Variants in CENPI observed in about 807,000 individuals in gnomAD.
CENPI encodes FSH primary response 1.
CENPI carries 4 observed loss-of-function variants against 60.4 expected under a neutral mutation model. That is an observed-to-expected ratio of 0.07 (90% CI 0.03 to 0.15). The LOEUF is 0.15. Among genes scored for constraint, CENPI ranks in the 10% least tolerant of loss-of-function variants. The pLI is 1.00. For missense variants in CENPI, 444 were observed against 534.5 expected (o/e 0.83, Z 1.67); for synonymous variants, 157 against 189.4 (o/e 0.83, Z 1.40).
chrX:101,129,541 CTT>C (rs2089773355), intron 12 of CENPI, among the ~76,000 whole-genome samples: 3 of 111,559 alleles, frequency 2.7e-5, no homozygotes, highest in Non-Finnish European at 5.6e-5. Context: ...AATTCTTCTT[CTT>C]CTTCTCTGAA....
the CENPI span, among the ~76,000 whole-genome samples, chrX:101,176,077 T>G: frequency 8.9e-6 from 1 of 112,150 alleles, no homozygotes; most frequent in African/African-American, 3.2e-5. Context: ...TCACTTAACA[T>G]AATGACCTCC....
At chrX:101,178,811 A>G in the CENPI span, among the ~76,000 whole-genome samples, 27 of 112,078 alleles carry the variant, frequency 2.4e-4, no homozygotes, top group African/African-American at 8.7e-4. Flanking sequence ...CCTAAATTTC[A>G]GAATTTCTTT....
intron 18 of CENPI, 82 bp from the exon 19 acceptor site, chrX:101,147,681 G>GT (rs1049757991): frequency 1.1e-4 from 82 of 747,780 alleles, no homozygotes; most frequent in East Asian, 2.9e-4. Context: ...TAAAATGTAT[G>GT]TTTTTTTTAA....
chrX:101,127,295 A>G (rs757748872), intron 10 of CENPI, 29 bp downstream of exon 10: 49 of 1,131,647 alleles, frequency 4.3e-5, no homozygotes, highest in Non-Finnish European at 5.7e-5. Flanking sequence ...AACAACTTGC[A>G]TGGCTTTCTT....
chrX:101,099,352 C>T (rs113044276), intron 2 of CENPI, among the ~76,000 whole-genome samples: 1,633 of 107,591 alleles, frequency 0.015, 43 homozygotes, highest in African/African-American at 0.053. Flanking sequence ...TGCTTGAACC[C>T]GGGAGGCGGA....
chrX:101,139,040 C>T (rs1402176810), intron 15 of CENPI, among the ~76,000 whole-genome samples: 1 of 99,922 alleles, frequency 1.0e-5, no homozygotes, highest in Non-Finnish European at 2.0e-5. Context: ...CCACCCGCCT[C>T]GGCCTCCCAA....
At chrX:101,169,638 A>G (rs1391194789), downstream of CENPI, among the ~76,000 whole-genome samples, 2 of 112,089 alleles carry the variant, frequency 1.8e-5, no homozygotes, top group Non-Finnish European at 3.8e-5. Flanking sequence ...CTTACTTTTA[A>G]AAAGTTTACT....
chrX:101,137,310 G>A (rs1036315132), intron 15 of CENPI, among the ~76,000 whole-genome samples: 3 of 111,955 alleles, frequency 2.7e-5, no homozygotes, highest in East Asian at 2.8e-4. Flanking sequence ...TTCCCTTGGC[G>A]TACATTTATA....
intron 4 of CENPI, among the ~76,000 whole-genome samples, chrX:101,103,911 A>G (rs933828441): frequency 8.9e-6 from 1 of 112,142 alleles, no homozygotes; most frequent in African/African-American, 3.2e-5. Flanking sequence ...AATTTAAACA[A>G]TGTTGCTGGA....
intron 20 of CENPI, among the ~76,000 whole-genome samples, chrX:101,149,507 CTTT>C (rs1378131346): frequency 3.2e-5 from 3 of 93,015 alleles, no homozygotes; most frequent in Admixed American, 1.2e-4. Context: ...GGTGCTTCTT[CTTT>C]TTTTTTTTTT....
intron 6 of CENPI, among the ~76,000 whole-genome samples, chrX:101,110,765 A>G (rs2089545338): frequency 8.9e-6 from 1 of 112,381 alleles, no homozygotes; most frequent in African/African-American, 3.2e-5. Context: ...AGGAAATCAC[A>G]TAAATTATCA....
At chrX:101,160,102 A>G (rs2090093639) in intron 20 of CENPI, among the ~76,000 whole-genome samples, 1 of 112,149 alleles carries the variant, frequency 8.9e-6, no homozygotes, top group African/African-American at 3.2e-5. Context: ...GATCATTGTC[A>G]GTCAGGTAGG....
chrX:101,155,431 C>A (rs1602856748), intron 20 of CENPI, among the ~76,000 whole-genome samples: 1 of 111,635 alleles, frequency 9.0e-6, no homozygotes, highest in South Asian at 3.8e-4. Flanking sequence ...CTCAGGTGAT[C>A]CGCCCACCTC....
chrX:101,167,288 C>T (rs189195108), downstream of CENPI, among the ~76,000 whole-genome samples: 23 of 111,516 alleles, frequency 2.1e-4, no homozygotes, highest in Admixed American at 1.2e-3. Flanking sequence ...TGAATGAGCA[C>T]GTATTTAATA....
intron 15 of CENPI, among the ~76,000 whole-genome samples, chrX:101,139,228 G>A (rs767174608): frequency 9.6e-6 from 1 of 104,470 alleles, no homozygotes; most frequent in East Asian, 3.0e-4. Flanking sequence ...CCGAGTAGCT[G>A]GGATTACAGG....
intron 20 of CENPI, among the ~76,000 whole-genome samples, chrX:101,152,958 T>G (rs1042423886): frequency 9.2e-6 from 1 of 108,467 alleles, no homozygotes; most frequent in African/African-American, 3.4e-5. Flanking sequence ...TACTTAAGAG[T>G]GGGAATACTA....
the CENPI span, among the ~76,000 whole-genome samples, chrX:101,181,435 T>A: frequency 8.9e-5 from 10 of 112,444 alleles, no homozygotes; most frequent in Non-Finnish European, 1.7e-4. Context: ...TTCTAATACA[T>A]GAACACCAGA....
At chrX:101,172,639 G>A in the CENPI span, among the ~76,000 whole-genome samples, 31 of 111,708 alleles carry the variant, frequency 2.8e-4, no homozygotes, top group African/African-American at 9.4e-4. Context: ...TAGTTGGCAG[G>A]TAATGGGGAG....
chrX:101,125,118 G>T (rs1043260453), intron 8 of CENPI, among the ~76,000 whole-genome samples: 9 of 111,424 alleles, frequency 8.1e-5, no homozygotes, highest in African/African-American at 2.6e-4. Context: ...AGCCTTTCAT[G>T]CAATACTCCT....
Sources: allele counts gnomAD v4.1 joint callset (sites outside exome capture counted in the v4.1 genomes callset), GRCh38; gene constraint gnomAD v4.1.1; transcripts MANE v1.5; gene names NCBI Gene and HGNC (gene_info 2026-07-23, HGNC 2026-07-21).